Variants in RAP1GAP observed in about 807,000 individuals in gnomAD.
RAP1GAP encodes the protein rap1 GTPase-activating protein 1.
A neutral mutation model predicts 87.2 loss-of-function variants in RAP1GAP; 35 were observed. That is an observed-to-expected ratio of 0.40 (90% confidence interval 0.31 to 0.53). The LOEUF is 0.53. Ranked by LOEUF, RAP1GAP falls within the 20% of genes least tolerant of loss-of-function variation. The pLI is 0.48. For missense variants in RAP1GAP, 734 were observed against 898.9 expected (o/e 0.82, Z 2.35); for synonymous variants, 375 against 363.9 (o/e 1.03, Z -0.35).
chr1:21,655,480 C>T (rs1397101922), intron 1 of RAP1GAP, among the ~76,000 whole-genome samples: 1 of 152,208 alleles, frequency 6.6e-6, no homozygotes, highest in Non-Finnish European at 1.5e-5. Flanking sequence ...AGTAACATCC[C>T]ATGACACTGG....
At chr1:21,653,949 G>A (rs2152116036) in intron 1 of RAP1GAP, among the ~76,000 whole-genome samples, 1 of 152,282 alleles carries the variant, frequency 6.6e-6, no homozygotes, top group Admixed American at 6.5e-5. Flanking sequence ...TGGCCCCCGG[G>A]AGGCCCCACT....
chr1:21,614,084 A>G lies in RAP1GAP; in HGVS notation c.297T>C (p.His99=). The part of the protein sequence containing the change: ...IYRKHFLGKE[H]FNYYSLDAAL... ...CAGCGTCCAGTGAGTAGTAATTGAA[A>G]TGCTCCTGCAGTGGGAGGTGGGGGC... Residue 99 remains histidine, a synonymous_variant, in exon 8 of 25, where the codon CAT becomes CAC. Coordinates refer to ENST00000374765, the MANE Select transcript of RAP1GAP (RefSeq NM_002885.4). 1 of 1,596,202 alleles carries G rather than the reference A, an allele frequency of 6.3e-7. No homozygotes were observed. Among genetic ancestry groups the G allele is most frequent in the Non-Finnish European group, 8.6e-7 (1 of 1,166,222 alleles).
intron 18 of RAP1GAP, 47 bp downstream of exon 18, chr1:21,606,019 G>A (rs750129906): frequency 3.8e-5 from 59 of 1,537,022 alleles, no homozygotes; most frequent in Admixed American, 5.8e-5. Context: ...GAGAGCTGAG[G>A]GCCCCCCAGG....
In RAP1GAP at chr1:21,656,625, A is replaced by G. The variant is rs184127398; in HGVS notation, c.-148-6829T>C. Among the ~76,000 whole-genome samples the G allele has an allele frequency of 6.1e-3, 921 of 152,118 alleles. 5 individuals carry two copies. The highest frequency in any genetic ancestry group is 0.011 in the Non-Finnish European group (730 of 67,992). On this transcript the variant is annotated intron_variant, in intron 1 of 24. Transcript: ENST00000374765. ...TTCCCCAGCCCCTGGGAAGGGAGGG[A>G]AGAGTGGGTGTGACTTGGCTCACAG... is the stretch of plus-strand genomic sequence containing the variant.
rs375972861 is a variant in RAP1GAP at position 21,611,849 on chromosome 1, A to C, written c.613-33T>G. The C allele has an allele frequency of 3.2e-6, 5 of 1,572,438 alleles. No homozygotes were observed. The African/African-American group carries it at 5.4e-5, about 17-fold the overall frequency. On this transcript the variant is annotated intron_variant, in intron 11 of 24. Coordinates refer to ENST00000374765, the MANE Select transcript of RAP1GAP (RefSeq NM_002885.4). ...TGAGGGGCCAAGGTCATTGAGCTGG[A>C]GTTCCTGAGAAGCCCCTGCCCTCTG...
intron 2 of RAP1GAP, among the ~76,000 whole-genome samples, chr1:21,647,218 T>C (rs934307682): frequency 1.3e-5 from 2 of 152,132 alleles, no homozygotes; most frequent in African/African-American, 4.8e-5. Context: ...TGTGACTCAA[T>C]GGGAGGCCGA....
chr1:21,612,105 G>A lies in RAP1GAP; in HGVS notation c.533C>T (p.Ser178Phe), dbSNP rs1264718350. 2 of 1,551,438 alleles carry A rather than the reference G, an allele frequency of 1.3e-6. No individual in the cohort carries two copies. The highest frequency in any genetic ancestry group is 1.7e-4 in the Middle Eastern group (1 of 5,988). Residue 178 changes from serine (S) to phenylalanine (F), a missense_variant, in exon 11 of 25, where the codon TCC (serine) becomes TTC (phenylalanine). Physicochemically the swap from Ser to Phe is radical, Grantham distance 155. Coordinates refer to ENST00000374765, the MANE Select transcript of RAP1GAP (RefSeq NM_002885.4). The stretch of plus-strand genomic sequence containing the variant: ...CTCGTCAAAGGTGACGATGAGCCGG[G>A]AAGCCTGCAGGAGAGGACGCCGGGT... Reference protein sequence around the residue: ...RFYPVLYPKASRLIVTFDEHV... With the variant: ...RFYPVLYPKAFRLIVTFDEHV...
At position 21,613,681 on chromosome 1, in the gene RAP1GAP, C is replaced by A. The variant is rs756248872; in HGVS notation, c.421G>T (p.Val141Phe). ...LRTKCRTYHD[V>F]IPISCLTEFP... The stretch of plus-strand genomic sequence containing the variant: ...TCGGTGAGGCAGGAGATGGGGATGA[C>A]ATCATGGTATGTCCGGCACTTGGTC... Residue 141 changes from valine to phenylalanine, a missense_variant, in exon 9 of 25, where the codon GTC (valine) becomes TTC (phenylalanine). Transcript: ENST00000374765. The surrounding 1 kb of genome is among the most constrained non-coding windows in gnomAD (Gnocchi z 4.7). The A allele has an allele frequency of 6.2e-7, 1 of 1,613,384 alleles. No homozygotes were observed. The highest frequency in any genetic ancestry group is 1.3e-5 in the African/African-American group (1 of 74,904).
At chr1:21,656,959 G>A (rs1195132194) in intron 1 of RAP1GAP, among the ~76,000 whole-genome samples, 1 of 152,158 alleles carries the variant, frequency 6.6e-6, no homozygotes, top group Admixed American at 6.5e-5. Flanking sequence ...CACCCACTGT[G>A]TGGCTGACAC....
At chr1:21,653,244 G>A (rs1026003656) in intron 1 of RAP1GAP, 5 of 152,086 alleles carry the variant, frequency 3.3e-5, no homozygotes, top group Non-Finnish European at 5.9e-5. Context: ...GCCCCCTCTC[G>A]GCTCCCACCT....
chr1:21,601,542 G>A (rs2068526683), intron 20 of RAP1GAP, 142 bp downstream of exon 20: 1 of 524,998 alleles, frequency 1.9e-6, no homozygotes, highest in African/African-American at 1.9e-5. Flanking sequence ...GTCAAAGGAG[G>A]GCCCCAGAGA....
At chr1:21,651,425 C>T in intron 1 of RAP1GAP, 1 of 566,858 alleles carries the variant, frequency 1.8e-6, no homozygotes. Flanking sequence ...CACACGCATG[C>T]ACACACACGC....
Position 21,603,658 on chromosome 1 carries a change from C to T in RAP1GAP, c.1429-745G>A. ...GGGGCACTGGCTCTGGCACAGGTACCAGGCCCCAAAGCAGGTGCTGAGTGC... is the reference window on the plus strand; with the variant it reads ...GGGGCACTGGCTCTGGCACAGGTACTAGGCCCCAAAGCAGGTGCTGAGTGC... On this transcript the variant is annotated intron_variant, in intron 18 of 24. Transcript: ENST00000374765. The surrounding 1 kb of genome is among the most constrained non-coding windows in gnomAD (Gnocchi z 6.0). 1 of 780,422 alleles carries T rather than the reference C, an allele frequency of 1.3e-6. No homozygotes were observed. The highest frequency in any genetic ancestry group is 2.3e-6 in the Non-Finnish European group (1 of 436,220). The allele number at this position is 780,422 out of a possible 1,614,324, so 48.3% of individuals were successfully genotyped here.
Position 21,660,345 on chromosome 1 carries a change from A to ATATATATATATATATATT in RAP1GAP, c.-149+8908_-149+8909insAATATATATATATATATA. 2.5e-3 allele frequency among the ~76,000 whole-genome samples: 235 copies of ATATATATATATATATATT among 92,632 alleles called. 29 individuals carry two copies. Among genetic ancestry groups the ATATATATATATATATATT allele is most frequent in the African/African-American group, 7.3e-3 (190 of 26,074 alleles). The allele number at this position is 92,632 out of a possible 152,430, so 60.8% of individuals were successfully genotyped here. A position where few individuals can be genotyped will look rare whatever the true frequency, so the allele number is the denominator to read the frequency against. ...AGAGTGGGTTCCAACTCAGCTATATATATTTATTGAGACAGTCTCGCTCTG... is the reference window on the plus strand; with the variant it reads ...AGAGTGGGTTCCAACTCAGCTATATATATATATATATATATATTTATTTATTGAGACAGTCTCGCTCTG... On this transcript the variant is annotated intron_variant, in intron 1 of 24. Transcript: ENST00000374765.
At chr1:21,618,995 A>AG in intron 5 of RAP1GAP, 30 bp downstream of exon 5, 1 of 1,579,314 alleles carries the variant, frequency 6.3e-7, no homozygotes, top group Non-Finnish European at 8.6e-7. Flanking sequence ...CACCCCCTAG[A>AG]GAGGGAGGCA....
chr1:21,662,129 C>G (rs829374), intron 1 of RAP1GAP, among the ~76,000 whole-genome samples: 2 of 152,040 alleles, frequency 1.3e-5, no homozygotes, highest in African/African-American at 2.4e-5. Context: ...CCACGTCACA[C>G]AGGTGCTGGG....
Position 21,644,878 on chromosome 1 carries a change from G to A in RAP1GAP, c.-113+4883C>T, listed in dbSNP as rs1000745418. ...ATCGCGCCACTGCACCCCAGCCTGG[G>A]TAACAGAGTGAGACCCTGTCTCAAA... On this transcript the variant is annotated intron_variant, in intron 2 of 24. Coordinates refer to ENST00000374765, the MANE Select transcript of RAP1GAP (RefSeq NM_002885.4). Among the ~76,000 whole-genome samples, 4 of 140,750 alleles carry A rather than the reference G, an allele frequency of 2.8e-5. No individual in the cohort carries two copies. In the Admixed American group the frequency reaches 2.9e-4, roughly 10 times the overall value. 92.3% of individuals were successfully genotyped at this position (140,750 alleles called of 152,430 possible).
At chr1:21,630,223 T>C (rs2093439837) in intron 2 of RAP1GAP, among the ~76,000 whole-genome samples, 1 of 152,094 alleles carries the variant, frequency 6.6e-6, no homozygotes, top group Non-Finnish European at 1.5e-5. Flanking sequence ...CCACTGACAC[T>C]TAGTAAATAG....
intron 2 of RAP1GAP, among the ~76,000 whole-genome samples, chr1:21,630,783 C>G (rs1476007394): frequency 6.6e-6 from 1 of 152,076 alleles, no homozygotes; most frequent in African/African-American, 2.4e-5. Flanking sequence ...TCTGGAACTC[C>G]TGGCCTCAAA....
Sources: gnomAD v4.1 joint callset for allele counts (sites outside exome capture counted in the v4.1 genomes callset) on GRCh38, gnomAD v4.1.1 for gene constraint, Gnocchi (gnomAD v3.1) non-coding constraint, MANE v1.5 for transcripts, NCBI Gene and HGNC (gene_info 2026-07-23, HGNC 2026-07-21) for gene names.